Variants in CHD9 observed in about 807,000 individuals in gnomAD.
CHD9 encodes the protein ATP-dependent chromatin remodeler CHD9.
Under a neutral mutation model 316.1 loss-of-function variants are expected in CHD9, and 77 were observed. The observed-to-expected ratio is 0.24, with a 90% confidence interval of 0.20 to 0.29. CHD9 has a LOEUF of 0.29. Among genes scored for constraint, CHD9 ranks in the 10% least tolerant of loss-of-function variants. The pLI, the probability that CHD9 is intolerant of heterozygous loss-of-function variation, is 1.00. For synonymous variants in CHD9, 1,129 were observed against 1,158.3 expected, an observed-to-expected ratio of 0.97 and a Z score of 0.51; for missense variants, 2,763 against 3,438.1, an observed-to-expected ratio of 0.80 and a Z score of 4.91.
chr16:53,086,675 C>T (rs2035488572), intron 1 of CHD9, among the ~76,000 whole-genome samples: 1 of 152,144 alleles, frequency 6.6e-6, no homozygotes, highest in Non-Finnish European at 1.5e-5. Context: ...GAAGAAAGCA[C>T]AAAATGTTTT....
Position 53,317,872 on chromosome 16 carries a change from G to A in CHD9, c.7585-340G>A, listed in dbSNP as rs565691247. ...AGTTCAAGATCAGCCTGGGCAATGC[G>A]GCAAAACTTTCATCTCTACAAAAAA... On this transcript the variant is annotated intron_variant, in intron 36 of 38. Coordinates refer to ENST00000447540, the MANE Select transcript of CHD9 (RefSeq NM_001308319.2). Among the ~76,000 whole-genome samples the A allele has an allele frequency of 3.8e-4, 57 of 151,900 alleles. 1 individual carries two copies. The South Asian group carries it at 0.011, about 28-fold the overall frequency.
At chr16:53,178,543 C>T (rs139524340) in intron 2 of CHD9, among the ~76,000 whole-genome samples, 51 of 151,090 alleles carry the variant, frequency 3.4e-4, no homozygotes, top group East Asian at 2.0e-3. Flanking sequence ...AGTGATCTTC[C>T]GTGCTAAAGT....
At chr16:53,219,548 T>C (rs753902975) in intron 3 of CHD9, among the ~76,000 whole-genome samples, 1 of 152,140 alleles carries the variant, frequency 6.6e-6, no homozygotes, top group East Asian at 1.9e-4. Flanking sequence ...AAAAGCAAGT[T>C]TAGTGAGAAC....
chr16:53,234,574 T>G (rs1275860647), intron 10 of CHD9, among the ~76,000 whole-genome samples: 1 of 152,096 alleles, frequency 6.6e-6, no homozygotes, highest in African/African-American at 2.4e-5. Flanking sequence ...CTGCATCTAC[T>G]GAGAGTACCA....
chr16:53,322,622 C>T (rs2057351402), intron 38 of CHD9, among the ~76,000 whole-genome samples: 1 of 151,076 alleles, frequency 6.6e-6, no homozygotes, highest in African/African-American at 2.4e-5. Context: ...CTTAGAAGAA[C>T]ATCTAAAGGG....
At chr16:53,121,520 C>A in intron 1 of CHD9, 1 of 439,164 alleles carries the variant, frequency 2.3e-6, no homozygotes, top group South Asian at 1.6e-5. Flanking sequence ...TAGCTAAAAG[C>A]AGGGGATAAA....
rs756347049 is a variant in CHD9 at position 53,308,824 on chromosome 16, G to C, written c.7192G>C (p.Val2398Leu). 1 of 1,613,480 alleles carries C rather than the reference G, an allele frequency of 6.2e-7. No homozygotes were observed. The highest frequency in any genetic ancestry group is 1.1e-5 in the South Asian group (1 of 90,988). Residue 2398 changes from valine (V) to leucine (L), a missense_variant, in exon 34 of 39, where the codon GTC (valine) becomes CTC (leucine). Coordinates refer to ENST00000447540, the MANE Select transcript of CHD9 (RefSeq NM_001308319.2). The stretch of plus-strand genomic sequence containing the variant: ...TCAAAGTGCATCAGAGACCAGCCTC[G>C]TCAATTTCCCAAAATCCATACCAGT... ...ELQSASETSL[V>L]NFPKSIPVSG... is the part of the protein sequence containing the mutation.
At chr16:53,077,195 C>G (rs1015433083) in intron 1 of CHD9, among the ~76,000 whole-genome samples, 9 of 152,066 alleles carry the variant, frequency 5.9e-5, no homozygotes, top group African/African-American at 2.2e-4. Flanking sequence ...CCCATGTTGG[C>G]CAGTCTGGTC....
At chr16:53,208,066 G>C in intron 2 of CHD9, 1 of 1,000,474 alleles carries the variant, frequency 1.0e-6, no homozygotes, top group Non-Finnish European at 1.2e-6. Flanking sequence ...TCTGCTTACA[G>C]CTATTGAGGA....
chr16:53,063,394 ACACACAC>A, intron 1 of CHD9, among the ~76,000 whole-genome samples: 1 of 151,834 alleles, frequency 6.6e-6, no homozygotes, highest in Admixed American at 6.6e-5. Flanking sequence ...ACACACACAC[ACACACAC>A]AAAATGTGAA....
intron 2 of CHD9, among the ~76,000 whole-genome samples, chr16:53,172,141 C>T (rs963013076): frequency 2.0e-5 from 3 of 152,024 alleles, no homozygotes; most frequent in African/African-American, 7.2e-5. Flanking sequence ...AAATACAGAA[C>T]ATACTCATTA....
chr16:53,268,082 C>A lies in CHD9; in HGVS notation c.4673C>A (p.Thr1558Asn). 6.2e-7 allele frequency: 1 copy of A among 1,612,576 alleles called. No individual in the cohort carries two copies. Among genetic ancestry groups the A allele is most frequent in the Non-Finnish European group, 8.5e-7 (1 of 1,179,164 alleles). Residue 1558 changes from threonine (T) to asparagine (N), a missense_variant, in exon 22 of 39, where the codon ACT becomes AAT. This residue lies in a region of CHD9 where 99 missense variants were observed against 131.6 expected (regional missense o/e 0.75). Coordinates refer to ENST00000447540, the MANE Select transcript of CHD9 (RefSeq NM_001308319.2). ...KIKGFIWDLI[T>N]PTEDGQTREL... Reference sequence around the variant, plus strand: ...AAAGGTTTCATATGGGATCTCATTACTCCAACTGAAGATGGACAGACACGA... The same window carrying A: ...AAAGGTTTCATATGGGATCTCATTAATCCAACTGAAGATGGACAGACACGA...
intron 4 of CHD9, among the ~76,000 whole-genome samples, chr16:53,223,985 A>G (rs1215082551): frequency 6.6e-6 from 1 of 152,162 alleles, no homozygotes; most frequent in African/African-American, 2.4e-5. Context: ...CAGTAGTCCA[A>G]CTATATTTAG....
Position 53,156,568 on chromosome 16 carries a change from A to C in CHD9, c.479A>C (p.His160Pro), listed in dbSNP as rs761157267. The C allele has an allele frequency of 1.2e-6, 2 of 1,614,014 alleles. No individual in the cohort carries two copies. Among genetic ancestry groups the C allele is most frequent in the East Asian group, 4.5e-5 (2 of 44,882 alleles). The change falls in exon 2 of 39, where the codon CAT becomes CCT. Residue 160 changes from histidine (H) to proline (P), a missense_variant. By Grantham distance (77) the His-to-Pro change is moderately conservative. Transcript: ENST00000447540. ...CAAAATAAAAGCTTTGTGGCACACC[A>C]TGACTTTGCCTTATTTCAGGCCAAT... ...MHQNKSFVAH[H>P]DFALFQANEQ...
At chr16:53,258,866 A>C (rs914168523) in intron 19 of CHD9, among the ~76,000 whole-genome samples, 3 of 152,194 alleles carry the variant, frequency 2.0e-5, no homozygotes, top group Non-Finnish European at 4.4e-5. Context: ...AATTTGATAG[A>C]GAACAAAATA....
intron 2 of CHD9, among the ~76,000 whole-genome samples, chr16:53,198,363 G>A (rs923036342): frequency 1.4e-5 from 2 of 140,220 alleles, no homozygotes; most frequent in Non-Finnish European, 3.0e-5. Flanking sequence ...TCTATCGCCA[G>A]GCTAGAGTAC....
At chr16:53,194,567 T>C (rs983515761) in intron 2 of CHD9, among the ~76,000 whole-genome samples, 7 of 152,186 alleles carry the variant, frequency 4.6e-5, no homozygotes, top group African/African-American at 7.2e-5. Flanking sequence ...AGTGAGACCC[T>C]GTCTCAAAAG....
chr16:53,249,930 A>G lies in CHD9; in HGVS notation c.3725A>G (p.Asp1242Gly), dbSNP rs1039666470. The change falls in exon 17 of 39, where the codon GAT (aspartate) becomes GGT (glycine). Residue 1242 changes from aspartate (D) to glycine (G), a missense_variant. Physicochemically the swap from Asp to Gly is moderately conservative, Grantham distance 94 (BLOSUM62 -1). This residue lies in a region of CHD9 where 39 missense variants were observed against 40.4 expected (regional missense o/e 0.97). Transcript: ENST00000447540. Reference protein sequence around the residue: ...VRGNLRQAAIDRFSKPDSDRF... With the variant: ...VRGNLRQAAIGRFSKPDSDRF... Reference sequence around the variant, plus strand: ...GGAAATCTTCGGCAAGCTGCTATAGATAGATTTAGTAAACCTGATTCAGAT... The same window carrying G: ...GGAAATCTTCGGCAAGCTGCTATAGGTAGATTTAGTAAACCTGATTCAGAT... 2 of 1,613,834 alleles carry G rather than the reference A, an allele frequency of 1.2e-6. No homozygotes were observed. Among genetic ancestry groups the G allele is most frequent in the Non-Finnish European group, 1.7e-6 (2 of 1,179,786 alleles).
chr16:53,321,367 G>C, intron 37 of CHD9, 159 bp from the exon 38 acceptor site: 1 of 1,391,064 alleles, frequency 7.2e-7, no homozygotes, highest in Non-Finnish European at 9.3e-7. Context: ...TAGTCCATAG[G>C]GTCACGGTGG....
Sources: allele counts gnomAD v4.1 joint callset (sites outside exome capture counted in the v4.1 genomes callset), GRCh38; gene constraint gnomAD v4.1.1; regional missense constraint gnomAD v4.1.1; transcripts MANE v1.5; gene names NCBI Gene and HGNC (gene_info 2026-07-23, HGNC 2026-07-21).